KIAA0513: variants seen among roughly 807,000 people sequenced by gnomAD.
The protein encoded by KIAA0513 is uncharacterized protein KIAA0513.
Under a neutral mutation model 56.5 loss-of-function variants are expected in KIAA0513, and 39 were observed. That is an observed-to-expected ratio of 0.69 (90% CI 0.53 to 0.90). The LOEUF is 0.90. Among genes scored for constraint, KIAA0513 ranks in the 40% least tolerant of loss-of-function variants. The pLI is 0.00. For synonymous variants in KIAA0513, 268 were observed against 215.6 expected (o/e 1.24, Z -2.13); for missense variants, 591 against 535.2 (o/e 1.10, Z -1.03).
At chr16:85,044,272 G>A (rs1454116975) in intron 1 of KIAA0513, among the ~76,000 whole-genome samples, 2 of 152,156 alleles carry the variant, frequency 1.3e-5, no homozygotes, top group African/African-American at 4.8e-5. Context: ...AGTGGTGCCC[G>A]CTGTGTGTGC....
intron 3 of KIAA0513, among the ~76,000 whole-genome samples, chr16:85,072,414 T>C (rs905517370): frequency 2.6e-5 from 4 of 152,072 alleles, no homozygotes; most frequent in Non-Finnish European, 4.4e-5. Context: ...ATGACAGCCA[T>C]GTGAAGAAAA....
intron 4 of KIAA0513, among the ~76,000 whole-genome samples, chr16:85,073,272 T>C (rs1303768853): frequency 6.6e-6 from 1 of 152,208 alleles, no homozygotes; most frequent in Non-Finnish European, 1.5e-5. Context: ...CAGGGCCAGA[T>C]GGTGATGGTG....
At chr16:85,077,710 G>C in intron 6 of KIAA0513, 78 bp downstream of exon 6, 1 of 1,051,340 alleles carries the variant, frequency 9.5e-7, no homozygotes, top group African/African-American at 1.6e-5. Context: ...GGGGGCAGCA[G>C]GGAGGGTGCG....
At chr16:85,069,391 G>A (rs1221705472) in intron 2 of KIAA0513, among the ~76,000 whole-genome samples, 4 of 152,044 alleles carry the variant, frequency 2.6e-5, no homozygotes, top group Non-Finnish European at 4.4e-5. Context: ...TGATTCAGAA[G>A]CAGCTGTTTG....
At chr16:85,068,553 C>G (rs971126364) in intron 2 of KIAA0513, among the ~76,000 whole-genome samples, 1 of 151,742 alleles carries the variant, frequency 6.6e-6, no homozygotes, top group Non-Finnish European at 1.5e-5. Flanking sequence ...AGGATGGTCT[C>G]GATCTCCTGA....
At chr16:85,075,466 C>T (rs986678234) in intron 4 of KIAA0513, among the ~76,000 whole-genome samples, 1 of 152,188 alleles carries the variant, frequency 6.6e-6, no homozygotes, top group Admixed American at 6.5e-5. Context: ...ATCCAGCTTA[C>T]TGCTAGTTCC....
Position 85,070,723 on chromosome 16 carries a change from T to C in KIAA0513, c.330-1060T>C, listed in dbSNP as rs147717741. Among the ~76,000 whole-genome samples, 446 of 152,296 alleles carry C rather than the reference T, an allele frequency of 2.9e-3. 1 individual carries two copies. The highest frequency in any genetic ancestry group is 4.4e-3 in the Non-Finnish European group (301 of 68,024). The stretch of plus-strand genomic sequence containing the variant: ...AAAATGCATTTATGTTTAATTTGAG[T>C]GCATTTTAGGAGAGCAGATGTAGCT... On this transcript the variant is annotated intron_variant, in intron 2 of 12. Coordinates refer to ENST00000683363, the MANE Select transcript of KIAA0513 (RefSeq NM_001388359.1).
chr16:85,057,614 C>T (rs139730719), intron 1 of KIAA0513, among the ~76,000 whole-genome samples: 19 of 152,318 alleles, frequency 1.2e-4, no homozygotes, highest in African/African-American at 3.4e-4. Context: ...AAAACACACA[C>T]GACTCCTGAC....
At chr16:85,051,334 A>G (rs1426702131) in intron 1 of KIAA0513, among the ~76,000 whole-genome samples, 9 of 152,220 alleles carry the variant, frequency 5.9e-5, no homozygotes, top group Admixed American at 5.2e-4. Flanking sequence ...AGGTCATAAA[A>G]TAGGACCTAT....
In KIAA0513 at chr16:85,072,905, G is replaced by C. The variant is rs377583316; in HGVS notation, c.430-20G>C. 2.0e-4 allele frequency: 327 copies of C among 1,613,190 alleles called. No homozygotes were observed. The highest frequency in any genetic ancestry group is 2.5e-4 in the Non-Finnish European group (290 of 1,179,252). On this transcript the variant is annotated intron_variant, in intron 3 of 12. Transcript: ENST00000683363. ...GTGTCGCCCTGAACCTCAATGATGT[G>C]TCTGCCTCTTTCTGGACAGCGCTGC... is the stretch of plus-strand genomic sequence containing the variant.
intron 11 of KIAA0513, 66 bp downstream of exon 11, chr16:85,086,790 C>G (rs1463792390): frequency 7.2e-7 from 1 of 1,382,276 alleles, no homozygotes; most frequent in Non-Finnish European, 1.0e-6. Context: ...GCTGTCACAC[C>G]TGGTATCACA....
In KIAA0513 at chr16:85,068,589, C is replaced by A. The variant is rs532063925; in HGVS notation, c.329+1189C>A. Among the ~76,000 whole-genome samples the A allele has an allele frequency of 3.3e-5, 5 of 152,206 alleles. No individual in the cohort carries two copies. The South Asian group carries it at 8.3e-4, about 25-fold the overall frequency. On this transcript the variant is annotated intron_variant, in intron 2 of 12. Coordinates refer to ENST00000683363, the MANE Select transcript of KIAA0513 (RefSeq NM_001388359.1). ...CCTCATGATCCGCCTGCCTTAGCCT[C>A]CCAAAGTGCTGAGATTACAGGTGTG...
intron 1 of KIAA0513, among the ~76,000 whole-genome samples, chr16:85,030,259 G>A (rs1422247985): frequency 6.6e-6 from 1 of 152,154 alleles, no homozygotes; most frequent in African/African-American, 2.4e-5. Context: ...AAATAGCCCA[G>A]GTGTCTTCAG....
At position 85,030,550 on chromosome 16, in the gene KIAA0513, C is replaced by T. The variant is rs140596512; in HGVS notation, c.-173+2692C>T. ...TCACCTGAGGTCAGGAGTTCGAGAC[C>T]AGCTTGGGCAACGTGGTGAAACCCC... On this transcript the variant is annotated intron_variant, in intron 1 of 12. Transcript: ENST00000683363. Among the ~76,000 whole-genome samples, 626 of 152,098 alleles carry T rather than the reference C, an allele frequency of 4.1e-3. 6 individuals are homozygous for T. Among genetic ancestry groups the T allele is most frequent in the African/African-American group, 0.014 (592 of 41,484 alleles).
chr16:85,066,382 A>G (rs2073481598), intron 1 of KIAA0513, among the ~76,000 whole-genome samples: 1 of 152,204 alleles, frequency 6.6e-6, no homozygotes, highest in African/African-American at 2.4e-5. Context: ...AGCAACCATC[A>G]TAGGGTTTGA....
intron 4 of KIAA0513, among the ~76,000 whole-genome samples, chr16:85,073,810 C>T (rs930757146): frequency 5.3e-5 from 8 of 152,206 alleles, no homozygotes; most frequent in African/African-American, 1.9e-4. Context: ...CTTTGGGCCC[C>T]ACGTCCCCTC....
chr16:85,057,419 C>T (rs58797197), intron 1 of KIAA0513, among the ~76,000 whole-genome samples: 1 of 152,152 alleles, frequency 6.6e-6, no homozygotes, highest in African/African-American at 2.4e-5. Context: ...TGATTGGGCC[C>T]CCAGTGGCTG....
chr16:85,069,533 C>T (rs982293554), intron 2 of KIAA0513, among the ~76,000 whole-genome samples: 10 of 152,020 alleles, frequency 6.6e-5, no homozygotes, highest in Non-Finnish European at 1.2e-4. Flanking sequence ...ATCTGTGCAT[C>T]AGCCTGATGT....
chr16:85,085,393 G>A (rs1367637556), intron 10 of KIAA0513, among the ~76,000 whole-genome samples: 1 of 152,226 alleles, frequency 6.6e-6, no homozygotes, highest in East Asian at 1.9e-4. Context: ...AGGAGATCAT[G>A]TTCCTTTGTT....
Sources: gnomAD v4.1 joint callset for allele counts (sites outside exome capture counted in the v4.1 genomes callset) on GRCh38, gnomAD v4.1.1 for gene constraint, MANE v1.5 for transcripts, NCBI Gene and HGNC (gene_info 2026-07-23, HGNC 2026-07-21) for gene names.